LRP1B: variants seen among roughly 807,000 people sequenced by gnomAD.
The protein encoded by LRP1B is low-density lipoprotein receptor-related protein 1B.
In LRP1B, 217 loss-of-function variants were observed where a neutral mutation model predicts 556.6. The ratio of observed to expected loss-of-function variants is 0.39; its 90% confidence interval spans 0.35 to 0.44. The LOEUF (loss-of-function observed/expected upper bound fraction) is 0.44, where lower values mean the gene tolerates loss of function less well. Ranked by LOEUF, LRP1B falls within the 20% of genes least tolerant of loss-of-function variation. LRP1B has a pLI of 1.00. For missense variants in LRP1B, 5,053 were observed against 5,620.8 expected, an observed-to-expected ratio of 0.90 and a Z score of 3.23; for synonymous variants, 2,047 against 1,865.8, an observed-to-expected ratio of 1.10 and a Z score of -2.50.
At chr2:141,933,379 G>A (rs1700554957) in intron 1 of LRP1B, among the ~76,000 whole-genome samples, 1 of 152,062 alleles carries the variant, frequency 6.6e-6, no homozygotes, top group Admixed American at 6.6e-5. Flanking sequence ...ACTAAAAGGA[G>A]CACTATTTCA....
chr2:141,478,926 T>C (rs114786600), intron 3 of LRP1B, among the ~76,000 whole-genome samples: 1,947 of 152,278 alleles, frequency 0.013, 42 homozygotes, highest in African/African-American at 0.042. Flanking sequence ...AAATCTCTCA[T>C]TCATTATTAT....
chr2:141,604,631 G>T (rs1460405765), intron 2 of LRP1B, among the ~76,000 whole-genome samples: 1 of 152,104 alleles, frequency 6.6e-6, no homozygotes, highest in African/African-American at 2.4e-5. Flanking sequence ...GTTTTAAACT[G>T]TCATGCCCAC....
chr2:140,236,148 A>G (rs1680688507), intron 89 of LRP1B, among the ~76,000 whole-genome samples: 1 of 150,980 alleles, frequency 6.6e-6, no homozygotes, highest in African/African-American at 2.4e-5. Flanking sequence ...CAATGTATCC[A>G]TGTGAAAAGA....
At chr2:141,039,434 C>T (rs1372453301) in intron 11 of LRP1B, among the ~76,000 whole-genome samples, 2 of 151,988 alleles carry the variant, frequency 1.3e-5, no homozygotes, top group African/African-American at 4.8e-5. Flanking sequence ...GAGTTCAACA[C>T]TATCCATGGT....
chr2:140,704,927 T>G (rs1368808316), intron 37 of LRP1B, among the ~76,000 whole-genome samples: 1 of 152,174 alleles, frequency 6.6e-6, no homozygotes, highest in Non-Finnish European at 1.5e-5. Context: ...ATAAATGTGT[T>G]TATTGCTATT....
intron 2 of LRP1B, among the ~76,000 whole-genome samples, chr2:141,802,435 A>G (rs989468722): frequency 1.3e-5 from 2 of 152,152 alleles, no homozygotes; most frequent in East Asian, 3.9e-4. Flanking sequence ...AGCTAATGTT[A>G]TGAAGTTTTT....
chr2:141,128,463 A>T (rs1038070321), intron 7 of LRP1B, among the ~76,000 whole-genome samples: 3 of 152,064 alleles, frequency 2.0e-5, no homozygotes, highest in Non-Finnish European at 4.4e-5. Flanking sequence ...TATTTCTCTG[A>T]TCTTCTGTTC....
intron 1 of LRP1B, among the ~76,000 whole-genome samples, chr2:142,108,899 C>A (rs901839634): frequency 6.6e-6 from 1 of 152,104 alleles, no homozygotes; most frequent in African/African-American, 2.4e-5. Context: ...ATTTTTGTCT[C>A]CAGCCTTCAG....
Position 141,581,909 on chromosome 2 carries a change from T to C in LRP1B, c.206-101376A>G, listed in dbSNP as rs1266532854. Among the ~76,000 whole-genome samples, 9 of 152,338 alleles carry C rather than the reference T, an allele frequency of 5.9e-5. No homozygotes were observed. The South Asian group carries it at 1.7e-3, about 28-fold the overall frequency. On this transcript the variant is annotated intron_variant, in intron 2 of 90. Transcript: ENST00000389484. The stretch of plus-strand genomic sequence containing the variant: ...TTTTACTTTTTAAATATTTCATCAC[T>C]TTATTTGCTAGCTAAAATTTTACCA...
intron 3 of LRP1B, among the ~76,000 whole-genome samples, chr2:141,322,595 T>C (rs2105473899): frequency 6.6e-6 from 1 of 152,138 alleles, no homozygotes; most frequent in East Asian, 1.9e-4. Context: ...AATCTCTCTC[T>C]TTGCTGTGAG....
chr2:140,704,339 C>A (rs2105435246), intron 37 of LRP1B, among the ~76,000 whole-genome samples: 1 of 151,948 alleles, frequency 6.6e-6, no homozygotes, highest in East Asian at 1.9e-4. Flanking sequence ...TGATATTTTT[C>A]TTGAAAATGC....
intron 1 of LRP1B, among the ~76,000 whole-genome samples, chr2:141,948,337 A>T (rs1345643382): frequency 1.3e-5 from 2 of 151,838 alleles, no homozygotes; most frequent in Non-Finnish European, 2.9e-5. Context: ...ATAAATGGAA[A>T]TTTTTATAAG....
intron 2 of LRP1B, among the ~76,000 whole-genome samples, chr2:141,561,202 A>G (rs1686136402): frequency 6.6e-6 from 1 of 151,808 alleles, no homozygotes; most frequent in African/African-American, 2.4e-5. Context: ...ATTATTTACT[A>G]TGATATAGGT....
intron 83 of LRP1B, among the ~76,000 whole-genome samples, chr2:140,308,918 C>T (rs527679836): frequency 3.9e-4 from 59 of 151,798 alleles, no homozygotes; most frequent in Non-Finnish European, 7.8e-4. Context: ...CAAAGTACCA[C>T]TGTGTCATCC....
intron 86 of LRP1B, among the ~76,000 whole-genome samples, chr2:140,257,034 A>G (rs1681725521): frequency 6.6e-6 from 1 of 152,048 alleles, no homozygotes; most frequent in Non-Finnish European, 1.5e-5. Flanking sequence ...TTCTGCTACC[A>G]TCCTAATATG....
chr2:141,343,399 G>A (rs1688139244), intron 3 of LRP1B, among the ~76,000 whole-genome samples: 1 of 152,112 alleles, frequency 6.6e-6, no homozygotes, highest in South Asian at 2.1e-4. Flanking sequence ...TTAGTCCTAA[G>A]TATGAATCAA....
At chr2:141,721,921 C>T (rs1692829610) in intron 2 of LRP1B, among the ~76,000 whole-genome samples, 1 of 152,202 alleles carries the variant, frequency 6.6e-6, no homozygotes, top group Non-Finnish European at 1.5e-5. Context: ...AGACCAGAAA[C>T]AGACCCTAGT....
intron 43 of LRP1B, among the ~76,000 whole-genome samples, chr2:140,564,792 A>C (rs902103680): frequency 6.6e-6 from 1 of 152,120 alleles, no homozygotes; most frequent in African/African-American, 2.4e-5. Flanking sequence ...CAAGGCACCA[A>C]ATAGACTCTG....
Position 140,305,981 on chromosome 2 carries a change from C to A in LRP1B, c.12806-8012G>T, listed in dbSNP as rs573525383. ...TATTGATTTGCGTATGTTAAACCAG[C>A]CTTGCATCCCAGGGATGAAGCCCAC... On this transcript the variant is annotated intron_variant, in intron 83 of 90. Transcript: ENST00000389484. Among the ~76,000 whole-genome samples, 397 of 150,582 alleles carry A rather than the reference C, an allele frequency of 2.6e-3. 3 individuals are homozygous for A. Among genetic ancestry groups the A allele is most frequent in the African/African-American group, 9.3e-3 (381 of 41,064 alleles).
Sources: gnomAD v4.1 joint callset for allele counts (sites outside exome capture counted in the v4.1 genomes callset) on GRCh38, gnomAD v4.1.1 for gene constraint, MANE v1.5 for transcripts, NCBI Gene and HGNC (gene_info 2026-07-23, HGNC 2026-07-21) for gene names.